The following APOLD1 variants were observed in gnomAD, a reference collection of about 807,000 sequenced individuals.
APOLD1 encodes the protein apolipoprotein L domain containing 1, also known as apolipoprotein L domain-containing protein 1.
A neutral mutation model predicts 15.3 loss-of-function variants in APOLD1; 22 were observed. The observed-to-expected ratio is 1.44, with a 90% confidence interval of 1.03 to 2.05. APOLD1 has a LOEUF of 2.05. APOLD1 is among the 30% of genes most tolerant of loss of function. The probability of loss-of-function intolerance (pLI) is 0.00; values close to 1 mark genes in which losing one functional copy is unlikely to be tolerated. For synonymous variants in APOLD1, 190 were observed against 167.4 expected, an observed-to-expected ratio of 1.13 and a Z score of -1.04; for missense variants, 394 against 353.5, an observed-to-expected ratio of 1.11 and a Z score of -0.92.
At chr12:12,756,880 G>A (rs1035907776) in intron 1 of APOLD1, among the ~76,000 whole-genome samples, 5 of 151,980 alleles carry the variant, frequency 3.3e-5, no homozygotes, top group Non-Finnish European at 7.4e-5. Context: ...TCCACCTACC[G>A]GGTTCAAGTG....
intron 1 of APOLD1, among the ~76,000 whole-genome samples, chr12:12,741,969 C>T (rs140929319): frequency 2.6e-5 from 4 of 152,262 alleles, no homozygotes; most frequent in Non-Finnish European, 5.9e-5. Context: ...GTGTGACACT[C>T]GATCCTAAAT....
intron 1 of APOLD1, among the ~76,000 whole-genome samples, chr12:12,750,636 A>G (rs1272374814): frequency 6.6e-6 from 1 of 151,824 alleles, no homozygotes; most frequent in Non-Finnish European, 1.5e-5. Flanking sequence ...TTTTTTGCGC[A>G]TATTATTGGA....
At position 12,788,512 on chromosome 12, in the gene APOLD1, AGAT is replaced by A. The variant is rs1237792968; in HGVS notation, c.*864_*866del. 1 of 152,250 alleles carries A rather than the reference AGAT, an allele frequency of 6.6e-6. No homozygotes were observed. Among genetic ancestry groups the A allele is most frequent in the Non-Finnish European group, 1.5e-5 (1 of 68,042 alleles). 9.4% of individuals were successfully genotyped at this position (152,250 alleles called of 1,614,324 possible). Reference sequence around the variant, plus strand: ...ATCTCTCTGAGACTGTGTAAAACAAAGATGATAAAATCTCACCCTGTTGTGAGA... The same window carrying A: ...ATCTCTCTGAGACTGTGTAAAACAAAGATAAAATCTCACCCTGTTGTGAGA... On this transcript the variant is annotated 3_prime_UTR_variant, in exon 2 of 2. Transcript: ENST00000356591.
chr12:12,767,965 T>C (rs1946954014), intron 1 of APOLD1, among the ~76,000 whole-genome samples: 1 of 152,118 alleles, frequency 6.6e-6, no homozygotes, highest in Admixed American at 6.5e-5. Flanking sequence ...TTTTTATTTT[T>C]AGTAGAGACG....
At chr12:12,726,156 C>CAAAAAAAAAAA (rs745785485) in intron 1 of APOLD1, 26 of 113,650 alleles carry the variant, frequency 2.3e-4, no homozygotes, top group South Asian at 3.5e-4. Context: ...TCTTCGCAAC[C>CAAAAAAAAAAA]AAAAAAAAAA....
intron 1 of APOLD1, among the ~76,000 whole-genome samples, chr12:12,732,305 A>G: frequency 6.6e-6 from 1 of 152,250 alleles, no homozygotes; most frequent in Non-Finnish European, 1.5e-5. Flanking sequence ...CTGCGCATTT[A>G]AAATGTATGT....
intron 1 of APOLD1, among the ~76,000 whole-genome samples, chr12:12,757,667 T>C (rs1006275716): frequency 2.0e-5 from 3 of 149,210 alleles, no homozygotes; most frequent in Admixed American, 6.6e-5. Flanking sequence ...TTGCCTTTTT[T>C]TTCTTTAAAA....
chr12:12,781,371 G>C (rs767028249), upstream of APOLD1, among the ~76,000 whole-genome samples: 3 of 152,172 alleles, frequency 2.0e-5, no homozygotes, highest in Non-Finnish European at 4.4e-5. Flanking sequence ...TTGAACCTGG[G>C]AGGCGGAGGT....
At chr12:12,778,308 A>G (rs1049984534) in intron 1 of APOLD1, among the ~76,000 whole-genome samples, 3 of 148,624 alleles carry the variant, frequency 2.0e-5, no homozygotes, top group African/African-American at 7.5e-5. Flanking sequence ...ATACCTCTCT[A>G]TCTTTTTGCT....
At chr12:12,778,674 AATGCCAGTGG>A (rs1367168155) in intron 1 of APOLD1, among the ~76,000 whole-genome samples, 5 of 152,132 alleles carry the variant, frequency 3.3e-5, no homozygotes, top group African/African-American at 1.2e-4. Context: ...TGGCCAATAG[AATGCCAGTGG>A]ATGTGATGGC....
chr12:12,787,810 C>G lies in APOLD1; in HGVS notation c.*158C>G. 9.6e-7 allele frequency: 1 copy of G among 1,040,146 alleles called. No homozygotes were observed. Among genetic ancestry groups the G allele is most frequent in the Non-Finnish European group, 1.4e-6 (1 of 739,118 alleles). 64.4% of individuals were successfully genotyped at this position (1,040,146 alleles called of 1,614,324 possible). On this transcript the variant is annotated 3_prime_UTR_variant, in exon 2 of 2. Coordinates refer to ENST00000356591, the MANE Select transcript of APOLD1 (RefSeq NM_030817.3). This position sits in a 1 kb window ranked among gnomAD's most constrained non-coding sequence, Gnocchi z 4.9. ...AAGTGGGCAGGTCCCCAAAGCCCTT[C>G]TTTTCCCATCACTGTGACATCTGCC...
intron 1 of APOLD1, among the ~76,000 whole-genome samples, chr12:12,776,456 C>T (rs1205041141): frequency 2.0e-5 from 3 of 152,198 alleles, no homozygotes; most frequent in African/African-American, 7.2e-5. Flanking sequence ...GGGATGTGGA[C>T]TCAGCTGCAG....
intron 1 of APOLD1, among the ~76,000 whole-genome samples, chr12:12,777,847 T>C (rs1199200557): frequency 6.6e-6 from 1 of 150,558 alleles, no homozygotes; most frequent in African/African-American, 2.5e-5. Context: ...TGGATGATGG[T>C]GTCACAGTTC....
intron 1 of APOLD1, among the ~76,000 whole-genome samples, chr12:12,737,313 A>G (rs989925187): frequency 2.6e-5 from 4 of 152,152 alleles, no homozygotes; most frequent in Admixed American, 6.5e-5. Context: ...ACTCCACAGG[A>G]AGCTATAATG....
intron 1 of APOLD1, among the ~76,000 whole-genome samples, chr12:12,758,360 C>T (rs1325044504): frequency 1.3e-5 from 2 of 151,988 alleles, no homozygotes; most frequent in East Asian, 1.9e-4. Context: ...GCCTGGTCAA[C>T]ATGGTGAAAC....
At chr12:12,759,778 T>C (rs1320386531) in intron 1 of APOLD1, among the ~76,000 whole-genome samples, 1 of 152,204 alleles carries the variant, frequency 6.6e-6, no homozygotes, top group African/African-American at 2.4e-5. Context: ...CAACGGGAGA[T>C]GAGAAGACAT....
At chr12:12,784,047 A>T (rs950596623), upstream of APOLD1, among the ~76,000 whole-genome samples, 2 of 152,180 alleles carry the variant, frequency 1.3e-5, no homozygotes, top group African/African-American at 4.8e-5. Flanking sequence ...CAACACAGAG[A>T]AAAACAAATT....
chr12:12,725,929 G>A, upstream of APOLD1: 1 of 1,307,564 alleles, frequency 7.6e-7, no homozygotes, highest in Non-Finnish European at 1.0e-6. Flanking sequence ...TGTGCAGGCA[G>A]GCGGGGGTGC....
intron 1 of APOLD1, among the ~76,000 whole-genome samples, chr12:12,730,026 T>TTGTGTGTG (rs749843349): frequency 8.5e-6 from 1 of 117,738 alleles, no homozygotes; most frequent in African/African-American, 3.4e-5. Flanking sequence ...CCAGCTAACT[T>TTGTGTGTG]TGTGTGTGTG....
Sources: gnomAD v4.1 joint callset for allele counts (sites outside exome capture counted in the v4.1 genomes callset) on GRCh38, gnomAD v4.1.1 for gene constraint, Gnocchi (gnomAD v3.1) non-coding constraint, MANE v1.5 for transcripts, NCBI Gene and HGNC (gene_info 2026-07-23, HGNC 2026-07-21) for gene names.